The following FAR2 variants were observed in gnomAD, a reference collection of about 807,000 sequenced individuals.
The protein encoded by FAR2 is fatty acyl-CoA reductase 2.
A neutral mutation model predicts 56.0 loss-of-function variants in FAR2; 19 were observed. The observed-to-expected ratio is 0.34, with a 90% confidence interval of 0.24 to 0.50. FAR2 has a LOEUF of 0.50. Ranked by LOEUF, FAR2 falls within the 20% of genes least tolerant of loss-of-function variation. FAR2 has a pLI of 0.98. For missense variants in FAR2, 508 were observed against 642.2 expected (o/e 0.79, Z 2.26); for synonymous variants, 219 against 218.8 (o/e 1.00, Z -0.01).
intron 1 of FAR2, among the ~76,000 whole-genome samples, chr12:29,178,059 A>T (rs1484770639): frequency 6.6e-6 from 1 of 152,182 alleles, no homozygotes; most frequent in Non-Finnish European, 1.5e-5. Context: ...CATGTGAGAC[A>T]CACACTCCTG....
At chr12:29,159,611 G>C (rs1431675025) in intron 1 of FAR2, among the ~76,000 whole-genome samples, 1 of 151,686 alleles carries the variant, frequency 6.6e-6, no homozygotes. Flanking sequence ...TTCTTCCCCA[G>C]AAAACAATGT....
At chr12:29,324,297 G>A (rs1278776442) in intron 10 of FAR2, among the ~76,000 whole-genome samples, 1 of 152,166 alleles carries the variant, frequency 6.6e-6, no homozygotes, top group Non-Finnish European at 1.5e-5. Flanking sequence ...GTGACGGGGA[G>A]AATGGAACCA....
At chr12:29,283,335 A>T (rs1308480304) in intron 2 of FAR2, among the ~76,000 whole-genome samples, 1 of 152,190 alleles carries the variant, frequency 6.6e-6, no homozygotes, top group African/African-American at 2.4e-5. Flanking sequence ...TCAAATTAGA[A>T]TTATGATTAT....
At chr12:29,289,895 T>C (rs935638211) in intron 2 of FAR2, among the ~76,000 whole-genome samples, 1 of 152,182 alleles carries the variant, frequency 6.6e-6, no homozygotes, top group African/African-American at 2.4e-5. Flanking sequence ...TGAATAACCA[T>C]TTCTCAAAAG....
chr12:29,324,105 AAGCCT>A (rs1257100667), intron 10 of FAR2, among the ~76,000 whole-genome samples: 1 of 152,246 alleles, frequency 6.6e-6, no homozygotes, highest in African/African-American at 2.4e-5. Context: ...ACGAATGCAC[AAGCCT>A]CAGTAACCGA....
intron 1 of FAR2, among the ~76,000 whole-genome samples, chr12:29,201,018 G>C (rs1313496132): frequency 6.6e-6 from 1 of 152,118 alleles, no homozygotes; most frequent in Non-Finnish European, 1.5e-5. Context: ...GGGTCTGCAA[G>C]GGACAGACTC....
chr12:29,205,840 C>CT (rs5797309), intron 1 of FAR2, among the ~76,000 whole-genome samples: 7,824 of 149,430 alleles, frequency 0.052, 613 homozygotes, highest in African/African-American at 0.17. Context: ...CTTGTTTTTG[C>CT]TTTTTTTTTT....
At chr12:29,197,606 T>C (rs890539803) in intron 1 of FAR2, among the ~76,000 whole-genome samples, 12 of 152,176 alleles carry the variant, frequency 7.9e-5, no homozygotes, top group African/African-American at 2.7e-4. Context: ...TAGAGAAGGA[T>C]ACAAATGAAG....
intron 1 of FAR2, among the ~76,000 whole-genome samples, chr12:29,170,750 CT>C: frequency 1.2e-4 from 1 of 8,532 alleles, no homozygotes; most frequent in African/African-American, 1.8e-4. Flanking sequence ...CTGTCTCTTC[CT>C]CTCTCTCTCT....
At chr12:29,227,382 C>A (rs980834565) in intron 1 of FAR2, among the ~76,000 whole-genome samples, 1 of 152,186 alleles carries the variant, frequency 6.6e-6, no homozygotes, top group South Asian at 2.1e-4. Context: ...ATCCCCTATT[C>A]CTGATTCAAT....
chr12:29,213,786 G>A lies in FAR2; in HGVS notation c.-38-56626G>A, dbSNP rs577310806. On this transcript the variant is annotated intron_variant, in intron 1 of 11. Transcript: ENST00000536681. ...TGTTGCCTTCTACAAAATGTGTGCC[G>A]CAGTCAACCTAAACCATCTCCATCC... Among the ~76,000 whole-genome samples, 47 of 151,488 alleles carry A rather than the reference G, an allele frequency of 3.1e-4. No homozygotes were observed. In the East Asian group the frequency reaches 4.7e-3, roughly 15 times the overall value.
chr12:29,261,031 T>A (rs530357730), intron 1 of FAR2, among the ~76,000 whole-genome samples: 1 of 152,184 alleles, frequency 6.6e-6, no homozygotes, highest in Non-Finnish European at 1.5e-5. Context: ...CCAAGAAGGA[T>A]TGATGCAAAT....
chr12:29,302,894 G>T (rs1419648784), intron 4 of FAR2, among the ~76,000 whole-genome samples: 1 of 151,954 alleles, frequency 6.6e-6, no homozygotes, highest in Non-Finnish European at 1.5e-5. Flanking sequence ...TTTTGGGAAA[G>T]AAAAAAACAA....
At chr12:29,321,188 C>T (rs77434556) in intron 9 of FAR2, among the ~76,000 whole-genome samples, 7,982 of 151,828 alleles carry the variant, frequency 0.053, 577 homozygotes, top group African/African-American at 0.16. Context: ...ATACTAAGAC[C>T]TCAGATCCTA....
chr12:29,187,498 A>C (rs541619485), intron 1 of FAR2, among the ~76,000 whole-genome samples: 4 of 152,214 alleles, frequency 2.6e-5, no homozygotes, highest in South Asian at 2.1e-4. Flanking sequence ...ATAGATTTTA[A>C]AGTATATTGA....
chr12:29,323,106 C>A (rs1360932479), intron 10 of FAR2, among the ~76,000 whole-genome samples: 1 of 152,258 alleles, frequency 6.6e-6, no homozygotes, highest in Non-Finnish European at 1.5e-5. Context: ...TGTGCGGGAG[C>A]ACATGGCTTG....
At chr12:29,212,529 C>G (rs1206729993) in intron 1 of FAR2, among the ~76,000 whole-genome samples, 1 of 152,152 alleles carries the variant, frequency 6.6e-6, no homozygotes, top group Non-Finnish European at 1.5e-5. Context: ...GGCATAATTA[C>G]TCATAATTTA....
At position 29,233,874 on chromosome 12, in the gene FAR2, C is replaced by T. The variant is rs1591875430; in HGVS notation, c.-38-36538C>T. Among the ~76,000 whole-genome samples the T allele has an allele frequency of 2.0e-5, 3 of 152,318 alleles. No individual in the cohort carries two copies. The East Asian group carries it at 5.8e-4, about 29-fold the overall frequency. On this transcript the variant is annotated intron_variant, in intron 1 of 11. Transcript: ENST00000536681. ...ACAGCTTCACTTGCTTTTAATCTTA[C>T]TGACTGCAGTCTAATTTCTGCCCTC...
intron 2 of FAR2, among the ~76,000 whole-genome samples, chr12:29,274,767 C>T (rs1948679213): frequency 6.6e-6 from 1 of 151,660 alleles, no homozygotes; most frequent in African/African-American, 2.4e-5. Context: ...TTGTGACCCC[C>T]ACTCCTGCCC....
Sources: gnomAD v4.1 joint callset for allele counts (sites outside exome capture counted in the v4.1 genomes callset) on GRCh38, gnomAD v4.1.1 for gene constraint, MANE v1.5 for transcripts, NCBI Gene and HGNC (gene_info 2026-07-23, HGNC 2026-07-21) for gene names.